Variants in NOL10 observed in about 807,000 individuals in gnomAD.
NOL10 encodes the protein nucleolar protein 10.
Under a neutral mutation model 103.5 loss-of-function variants are expected in NOL10, and 58 were observed. The observed-to-expected ratio is 0.56, with a 90% CI of 0.45 to 0.70. NOL10 has a LOEUF of 0.70. NOL10 is among the 30% of genes least tolerant of loss of function. NOL10 has a pLI of 0.00. For missense variants in NOL10, 763 were observed against 807.3 expected, an observed-to-expected ratio of 0.95 and a Z score of 0.67; for synonymous variants, 287 against 282.5, an observed-to-expected ratio of 1.02 and a Z score of -0.16.
intron 7 of NOL10, 62 bp from the exon 8 acceptor site, chr2:10,667,340 A>AT: frequency 8.5e-7 from 1 of 1,170,206 alleles, no homozygotes; most frequent in Non-Finnish European, 1.2e-6. Flanking sequence ...TGGGGAAGGA[A>AT]TATTAAATAA....
intron 13 of NOL10, among the ~76,000 whole-genome samples, chr2:10,637,212 A>AAAC (rs1558309788): frequency 1.5e-5 from 2 of 137,220 alleles, no homozygotes; most frequent in East Asian, 5.6e-4. Flanking sequence ...AAAAAAAAAA[A>AAAC]ACACACACAC....
At chr2:10,687,254 C>T (rs905555433) in intron 1 of NOL10, among the ~76,000 whole-genome samples, 1 of 152,182 alleles carries the variant, frequency 6.6e-6, no homozygotes, top group Non-Finnish European at 1.5e-5. Context: ...TCCACTGGAG[C>T]TCCTTGCCAA....
chr2:10,622,046 A>C, intron 13 of NOL10: 1 of 471,146 alleles, frequency 2.1e-6, no homozygotes. Context: ...ACATGTGACT[A>C]ATGGCTACCA....
intron 13 of NOL10, among the ~76,000 whole-genome samples, chr2:10,617,364 G>A (rs769842671): frequency 6.6e-6 from 1 of 152,182 alleles, no homozygotes; most frequent in African/African-American, 2.4e-5. Context: ...GACTGGTTCC[G>A]GGCATTGAAG....
chr2:10,663,986 G>A (rs1680397223), intron 8 of NOL10, among the ~76,000 whole-genome samples: 1 of 151,600 alleles, frequency 6.6e-6, no homozygotes, highest in African/African-American at 2.4e-5. Context: ...GCCAGGCATA[G>A]TGGCGCATGC....
intron 19 of NOL10, among the ~76,000 whole-genome samples, chr2:10,578,628 T>C (rs1674595816): frequency 7.5e-6 from 1 of 133,296 alleles, no homozygotes; most frequent in African/African-American, 2.6e-5. Flanking sequence ...GTTTGAATTT[T>C]GTACCCATTA....
intron 14 of NOL10, chr2:10,604,638 T>C (rs370810496): frequency 6.6e-6 from 1 of 152,194 alleles, no homozygotes; most frequent in African/African-American, 2.4e-5. Context: ...ATAAAATACA[T>C]ATACCAGTGA....
At chr2:10,614,039 A>G (rs1423138237) in intron 13 of NOL10, among the ~76,000 whole-genome samples, 1 of 151,556 alleles carries the variant, frequency 6.6e-6, no homozygotes. Flanking sequence ...AGCTCACTGC[A>G]ACCTCCGCCT....
intron 13 of NOL10, among the ~76,000 whole-genome samples, chr2:10,626,151 A>C (rs1249633441): frequency 6.6e-6 from 1 of 152,192 alleles, no homozygotes; most frequent in African/African-American, 2.4e-5. Context: ...ACTGCACTCC[A>C]GCCTGGGAGA....
At chr2:10,685,510 CA>C (rs1303427519) in intron 1 of NOL10, among the ~76,000 whole-genome samples, 9 of 38,530 alleles carry the variant, frequency 2.3e-4, no homozygotes, top group Non-Finnish European at 5.6e-4. Context: ...CCCCCCCCGC[CA>C]AAAAAAAAGA....
chr2:10,596,258 G>C (rs1035917815), intron 17 of NOL10, among the ~76,000 whole-genome samples: 3 of 137,576 alleles, frequency 2.2e-5, no homozygotes, highest in Non-Finnish European at 3.1e-5. Flanking sequence ...GATGGTGGTG[G>C]GGGGCGGGGG....
chr2:10,679,001 C>T (rs1253996031), intron 3 of NOL10, among the ~76,000 whole-genome samples: 1 of 152,084 alleles, frequency 6.6e-6, no homozygotes, highest in African/African-American at 2.4e-5. Context: ...AGGCGGACAA[C>T]TGCTTGAGTC....
At chr2:10,596,403 A>C (rs905964368) in intron 17 of NOL10, among the ~76,000 whole-genome samples, 5 of 152,150 alleles carry the variant, frequency 3.3e-5, no homozygotes, top group African/African-American at 1.2e-4. Context: ...GGGAGCCTTG[A>C]GCTTGTTTTC....
intron 1 of NOL10, among the ~76,000 whole-genome samples, chr2:10,689,252 G>A (rs1268467888): frequency 1.3e-5 from 2 of 152,134 alleles, no homozygotes; most frequent in Admixed American, 1.3e-4. Context: ...GAGAATTACC[G>A]ACTTGTCCAA....
intron 13 of NOL10, chr2:10,634,580 T>C: frequency 2.2e-6 from 1 of 456,666 alleles, no homozygotes; most frequent in Non-Finnish European, 4.4e-6. Flanking sequence ...AAATTGGACG[T>C]CATTAACACA....
intron 13 of NOL10, among the ~76,000 whole-genome samples, chr2:10,625,993 G>A (rs1385820359): frequency 6.6e-6 from 1 of 151,518 alleles, no homozygotes; most frequent in African/African-American, 2.4e-5. Flanking sequence ...GGGCAACAGA[G>A]TGAAACCCTG....
Position 10,668,645 on chromosome 2 carries a change from T to A in NOL10, c.530+13A>T. ...GTCAAAATGTATATAGCAGAATTAC[T>A]AAAACTACTCACGCAGCATCAGTTT... is the stretch of plus-strand genomic sequence containing the variant. On this transcript the variant is annotated intron_variant, in intron 7 of 20. Coordinates refer to ENST00000381685, the MANE Select transcript of NOL10 (RefSeq NM_024894.4). The A allele has an allele frequency of 7.8e-7, 1 of 1,287,154 alleles. No individual in the cohort carries two copies. Among genetic ancestry groups the A allele is most frequent in the African/African-American group, 3.0e-5 (1 of 32,796 alleles). The allele number at this position is 1,287,154 out of a possible 1,614,324, so 79.7% of individuals were successfully genotyped here.
chr2:10,659,438 A>C (rs1326711636), intron 9 of NOL10, among the ~76,000 whole-genome samples, 188 bp from the exon 10 acceptor site: 3 of 147,604 alleles, frequency 2.0e-5, no homozygotes, highest in African/African-American at 7.6e-5. Flanking sequence ...GCACTTTGGG[A>C]GGCTGAGGTG....
At chr2:10,583,382 A>C (rs914546824) in intron 19 of NOL10, among the ~76,000 whole-genome samples, 1 of 152,204 alleles carries the variant, frequency 6.6e-6, no homozygotes, top group Non-Finnish European at 1.5e-5. Context: ...CAATGACGCT[A>C]AATCTCTTTT....
Sources: allele counts gnomAD v4.1 joint callset (sites outside exome capture counted in the v4.1 genomes callset), GRCh38; gene constraint gnomAD v4.1.1; transcripts MANE v1.5; gene names NCBI Gene and HGNC (gene_info 2026-07-23, HGNC 2026-07-21).